Variants in BMP6 observed in about 807,000 individuals in gnomAD.
The protein encoded by BMP6 is bone morphogenetic protein 6, also known as VG-1-R.
BMP6 carries 17 observed loss-of-function variants against 54.1 expected under a neutral mutation model. The ratio of observed to expected loss-of-function variants is 0.31; its 90% CI spans 0.22 to 0.47. BMP6 has a LOEUF of 0.47. Ranked by LOEUF, BMP6 falls within the 20% of genes least tolerant of loss-of-function variation. BMP6 has a pLI of 1.00. For synonymous variants in BMP6, 328 were observed against 291.2 expected (o/e 1.13, Z -1.28); for missense variants, 720 against 690.4 (o/e 1.04, Z -0.48).
At chr6:7,768,332 C>A (rs547833504) in intron 1 of BMP6, among the ~76,000 whole-genome samples, 1 of 152,298 alleles carries the variant, frequency 6.6e-6, no homozygotes, top group East Asian at 1.9e-4. Context: ...GTTTTTCACT[C>A]TCAGTCTTGT....
intron 4 of BMP6, among the ~76,000 whole-genome samples, chr6:7,873,519 G>A (rs1759562541): frequency 6.6e-6 from 1 of 152,068 alleles, no homozygotes; most frequent in Non-Finnish European, 1.5e-5. Flanking sequence ...TTTTTATGTG[G>A]GGTTTAATTG....
rs144812010 is a variant in BMP6 at position 7,880,302 on chromosome 6, A to C, written c.1501A>C (p.Lys501Gln). 3.1e-6 allele frequency: 5 copies of C among 1,614,158 alleles called. No individual in the cohort carries two copies. Among genetic ancestry groups the C allele is most frequent in the Non-Finnish European group, 4.2e-6 (5 of 1,180,018 alleles). Reference protein sequence around the residue: ...FDDNSNVILKKYRNMVVRACG... With the variant: ...FDDNSNVILKQYRNMVVRACG... The stretch of plus-strand genomic sequence containing the variant: ...TGACAACTCCAATGTCATTCTGAAA[A>C]AATACAGGAATATGGTTGTAAGAGC... Residue 501 changes from lysine to glutamine, a missense_variant, in exon 7 of 7, where the codon AAA (lysine) becomes CAA (glutamine). By Grantham distance (53) the Lys-to-Gln change is moderately conservative (BLOSUM62 1). Transcript: ENST00000283147.
In BMP6 at chr6:7,766,487, G is replaced by A. The variant is rs138707346; in HGVS notation, c.664+38868G>A. On this transcript the variant is annotated intron_variant, in intron 1 of 6. Transcript: ENST00000283147. ...TAAAAAATTAACCAGATGTGGTGGT[G>A]CACACCTGTAGTCCTAGCTACTTGG... 2.0e-5 allele frequency among the ~76,000 whole-genome samples: 3 copies of A among 152,252 alleles called. No individual in the cohort carries two copies. The East Asian group carries it at 5.8e-4, about 29-fold the overall frequency.
chr6:7,876,697 GT>G (rs1759623762), intron 4 of BMP6, among the ~76,000 whole-genome samples: 1 of 152,078 alleles, frequency 6.6e-6, no homozygotes, highest in Admixed American at 6.6e-5. Flanking sequence ...TGTTTAACCT[GT>G]TTAATCTGAT....
chr6:7,850,724 C>A (rs1759128525), intron 2 of BMP6, among the ~76,000 whole-genome samples: 1 of 152,014 alleles, frequency 6.6e-6, no homozygotes, highest in Admixed American at 6.6e-5. Flanking sequence ...GTATGAGTAC[C>A]CGAGACGATG....
chr6:7,733,072 T>A (rs929291726), intron 1 of BMP6, among the ~76,000 whole-genome samples: 1 of 151,712 alleles, frequency 6.6e-6, no homozygotes, highest in African/African-American at 2.4e-5. Flanking sequence ...CTAATATTTT[T>A]TTTTTGTATT....
At chr6:7,817,581 G>A (rs185916788) in intron 1 of BMP6, among the ~76,000 whole-genome samples, 112 of 146,012 alleles carry the variant, frequency 7.7e-4, no homozygotes, top group African/African-American at 2.7e-3. Context: ...TCGTGGCGTG[G>A]GGGGTGGGGG....
At chr6:7,809,787 G>GT (rs1758408844) in intron 1 of BMP6, among the ~76,000 whole-genome samples, 1 of 152,138 alleles carries the variant, frequency 6.6e-6, no homozygotes, top group African/African-American at 2.4e-5. Flanking sequence ...CGTTCAGCTT[G>GT]CAAAAAAGAC....
At chr6:7,735,787 CGTA>C (rs1326262607) in intron 1 of BMP6, among the ~76,000 whole-genome samples, 1 of 152,108 alleles carries the variant, frequency 6.6e-6, no homozygotes, top group Non-Finnish European at 1.5e-5. Flanking sequence ...CCGGTTCACT[CGTA>C]GTGTTGCAGA....
At chr6:7,841,412 C>T (rs943964878) in intron 1 of BMP6, among the ~76,000 whole-genome samples, 1 of 152,212 alleles carries the variant, frequency 6.6e-6, no homozygotes. Context: ...ACTCATATAG[C>T]TTGAATTGCT....
chr6:7,790,734 C>T (rs906274354), intron 1 of BMP6, among the ~76,000 whole-genome samples: 1 of 152,020 alleles, frequency 6.6e-6, no homozygotes, highest in Non-Finnish European at 1.5e-5. Flanking sequence ...GTAGTACAAA[C>T]AAAACAGAAT....
At chr6:7,775,828 C>G (rs1757854448) in intron 1 of BMP6, among the ~76,000 whole-genome samples, 1 of 152,178 alleles carries the variant, frequency 6.6e-6, no homozygotes, top group South Asian at 2.1e-4. Flanking sequence ...TATTTATAAT[C>G]TATTTTCTGT....
chr6:7,881,472 C>CT lies in BMP6; in HGVS notation c.*1130dup, dbSNP rs1759731150. Reference sequence around the variant, plus strand: ...GTAAATATAAACTATAATTTATTGTCTATTTTATATCTGTTTTGCTGTAAC... The same window carrying CT: ...GTAAATATAAACTATAATTTATTGTCTTATTTTATATCTGTTTTGCTGTAAC... On this transcript the variant is annotated 3_prime_UTR_variant, in exon 7 of 7. Transcript: ENST00000283147. The CT allele has an allele frequency of 6.6e-6, 1 of 152,292 alleles. No individual in the cohort carries two copies. Among genetic ancestry groups the CT allele is most frequent in the Non-Finnish European group, 1.5e-5 (1 of 67,978 alleles). 9.4% of individuals were successfully genotyped at this position (152,292 alleles called of 1,614,324 possible). A position where few individuals can be genotyped will look rare whatever the true frequency, so the allele number is the denominator to read the frequency against.
chr6:7,796,908 G>T (rs907601404), intron 1 of BMP6, among the ~76,000 whole-genome samples: 4 of 152,018 alleles, frequency 2.6e-5, no homozygotes, highest in East Asian at 1.9e-4. Context: ...TGGATAATTC[G>T]TTCTGTTTCC....
intron 1 of BMP6, among the ~76,000 whole-genome samples, chr6:7,732,828 A>G (rs1026511530): frequency 6.6e-6 from 1 of 152,172 alleles, no homozygotes; most frequent in East Asian, 1.9e-4. Context: ...GCTTTCTGTA[A>G]CTTTTTCACA....
chr6:7,753,366 A>G (rs530057804), intron 1 of BMP6, among the ~76,000 whole-genome samples: 10 of 152,334 alleles, frequency 6.6e-5, no homozygotes, highest in African/African-American at 2.4e-4. Flanking sequence ...CTGCTACCCA[A>G]ATGTGGTCTG....
At chr6:7,811,693 C>T (rs1382884326) in intron 1 of BMP6, among the ~76,000 whole-genome samples, 1 of 152,098 alleles carries the variant, frequency 6.6e-6, no homozygotes, top group Non-Finnish European at 1.5e-5. Flanking sequence ...ATAATTTGAC[C>T]TAATTGATTC....
chr6:7,787,796 A>G (rs1398572591), intron 1 of BMP6, among the ~76,000 whole-genome samples: 3 of 152,230 alleles, frequency 2.0e-5, no homozygotes, highest in Non-Finnish European at 4.4e-5. Flanking sequence ...TATGGCTTTC[A>G]TTATAGTAAT....
At chr6:7,791,077 C>A (rs962381932) in intron 1 of BMP6, among the ~76,000 whole-genome samples, 1 of 152,206 alleles carries the variant, frequency 6.6e-6, no homozygotes, top group Non-Finnish European at 1.5e-5. Flanking sequence ...TACACTCATA[C>A]TTCCCTTCCT....
Sources: allele counts gnomAD v4.1 joint callset (sites outside exome capture counted in the v4.1 genomes callset), GRCh38; gene constraint gnomAD v4.1.1; transcripts MANE v1.5; gene names NCBI Gene and HGNC (gene_info 2026-07-23, HGNC 2026-07-21).